SHANK2: variants seen among roughly 807,000 people sequenced by gnomAD.
The protein encoded by SHANK2 is SH3 and multiple ankyrin repeat domains 2.
Under a neutral mutation model 133.7 loss-of-function variants are expected in SHANK2, and 43 were observed. The ratio of observed to expected loss-of-function variants is 0.32; its 90% confidence interval spans 0.25 to 0.41. SHANK2 has a LOEUF of 0.41. Ranked by LOEUF, SHANK2 falls within the 10% of genes least tolerant of loss-of-function variation. SHANK2 has a pLI of 1.00. For missense variants in SHANK2, 1,994 were observed against 2,235.8 expected, an observed-to-expected ratio of 0.89 and a Z score of 2.18; for synonymous variants, 1,017 against 952.8, an observed-to-expected ratio of 1.07 and a Z score of -1.24.
At chr11:70,837,195 G>A (rs1948831804) in intron 11 of SHANK2, among the ~76,000 whole-genome samples, 1 of 152,172 alleles carries the variant, frequency 6.6e-6, no homozygotes, top group Non-Finnish European at 1.5e-5. Flanking sequence ...AAGACACCAG[G>A]CAGACTGAGC....
intron 11 of SHANK2, among the ~76,000 whole-genome samples, chr11:70,881,315 G>C (rs1949655849): frequency 6.6e-6 from 1 of 152,220 alleles, no homozygotes; most frequent in East Asian, 1.9e-4. Flanking sequence ...CCAAAGTACA[G>C]GGATTACAGG....
chr11:70,926,586 G>A (rs560994378), intron 10 of SHANK2, among the ~76,000 whole-genome samples: 1 of 152,276 alleles, frequency 6.6e-6, no homozygotes, highest in East Asian at 1.9e-4. Context: ...TACGATAGGG[G>A]CCATTCCATA....
chr11:70,622,790 C>T (rs782534631), intron 17 of SHANK2, among the ~76,000 whole-genome samples: 4 of 152,074 alleles, frequency 2.6e-5, no homozygotes, highest in Non-Finnish European at 4.4e-5. Context: ...CCAATCCAGT[C>T]TCCGAACGGA....
chr11:70,486,413 C>T lies in SHANK2; in HGVS notation c.3880G>A (p.Asp1294Asn). ...TDLGRDRKGD[D>N]KKNMLIDIMD... The stretch of plus-strand genomic sequence containing the variant: ...ATGTCGATCAGCATGTTCTTCTTGT[C>T]ATCGCCTTTCCGGTCTCGGCCCAGG... Residue 1294 changes from aspartate (D) to asparagine (N), a missense_variant, in exon 25 of 26, where the codon GAC becomes AAC. Coordinates refer to ENST00000601538, the MANE Select transcript of SHANK2 (RefSeq NM_012309.5). This position sits in a 1 kb window ranked among gnomAD's most constrained non-coding sequence, Gnocchi z 8.0. 1 of 1,614,062 alleles carries T rather than the reference C, an allele frequency of 6.2e-7. No individual in the cohort carries two copies. Among genetic ancestry groups the T allele is most frequent in the Non-Finnish European group, 8.5e-7 (1 of 1,180,034 alleles).
chr11:71,071,843 T>G (rs963833402), intron 9 of SHANK2, among the ~76,000 whole-genome samples: 1,669 of 152,214 alleles, frequency 0.011, 23 homozygotes, highest in African/African-American at 0.035. Context: ...ATGGGAGCAC[T>G]GCTTTGGGAT....
intron 16 of SHANK2, among the ~76,000 whole-genome samples, chr11:70,660,838 CG>C (rs1442668989): frequency 6.6e-6 from 1 of 152,206 alleles, no homozygotes; most frequent in Non-Finnish European, 1.5e-5. Flanking sequence ...AGCACAGGTG[CG>C]GGACCCCTGG....
chr11:70,897,250 C>G (rs187666647), intron 10 of SHANK2, among the ~76,000 whole-genome samples: 2 of 152,316 alleles, frequency 1.3e-5, no homozygotes, highest in Non-Finnish European at 2.9e-5. Flanking sequence ...CCAGAGACCA[C>G]ACGGGCAAGG....
intron 15 of SHANK2, among the ~76,000 whole-genome samples, chr11:70,694,465 T>A (rs1421068996): frequency 1.3e-5 from 2 of 152,250 alleles, no homozygotes; most frequent in Admixed American, 6.5e-5. Context: ...TGGCATTTTC[T>A]CTCATTACAC....
chr11:70,817,120 A>G (rs1948415883), intron 12 of SHANK2, among the ~76,000 whole-genome samples: 1 of 152,188 alleles, frequency 6.6e-6, no homozygotes. Flanking sequence ...GGGACCTCAA[A>G]AAGATGCCTG....
chr11:70,740,749 G>A (rs1946506035), intron 14 of SHANK2, among the ~76,000 whole-genome samples: 1 of 152,178 alleles, frequency 6.6e-6, no homozygotes, highest in African/African-American at 2.4e-5. Flanking sequence ...GCGTCAGCTG[G>A]CACAGCCTGG....
In SHANK2 at chr11:70,876,726, G is replaced by C. The variant is rs1417825957; in HGVS notation, c.1174+19775C>G. 2.6e-5 allele frequency among the ~76,000 whole-genome samples: 4 copies of C among 152,286 alleles called. No individual in the cohort carries two copies. The East Asian group carries it at 7.7e-4, about 29-fold the overall frequency. ...GCTGCAGCAGGTGACAACACTTCTA[G>C]GGTCTGTGCAAGTGAAGGCAGGAAA... On this transcript the variant is annotated intron_variant, in intron 11 of 25. Coordinates refer to ENST00000601538, the MANE Select transcript of SHANK2 (RefSeq NM_012309.5).
chr11:71,163,093 A>AAACATATATATATATAT lies in SHANK2; in HGVS notation c.-12-15756_-12-15755insATATATATATATATGTT. Among the ~76,000 whole-genome samples the AAACATATATATATATAT allele has an allele frequency of 1.4e-3, 115 of 84,694 alleles. 5 individuals are homozygous for AAACATATATATATATAT. The highest frequency in any genetic ancestry group is 4.3e-3 in the South Asian group (7 of 1,642). 55.6% of individuals were successfully genotyped at this position (84,694 alleles called of 152,430 possible). On this transcript the variant is annotated intron_variant, in intron 2 of 25. Transcript: ENST00000601538. ...GTCTAAAAAAAAAAAAAAAAAAAAA[A>AAACATATATATATATAT]ATACATATATATATATATACAGAAT...
At chr11:70,759,850 C>T (rs1012258206) in intron 14 of SHANK2, among the ~76,000 whole-genome samples, 2 of 152,212 alleles carry the variant, frequency 1.3e-5, no homozygotes, top group African/African-American at 2.4e-5. Context: ...GCAGCCATAA[C>T]TATAACTGTG....
intron 17 of SHANK2, among the ~76,000 whole-genome samples, chr11:70,659,413 C>G (rs2061452005): frequency 6.6e-6 from 1 of 152,150 alleles, no homozygotes; most frequent in Non-Finnish European, 1.5e-5. Flanking sequence ...GACCTCACGC[C>G]AGCAACTGCC....
In SHANK2 at chr11:70,799,864, C is replaced by T. The variant is rs868970720; in HGVS notation, c.1664-1308G>A. 2.8e-4 allele frequency among the ~76,000 whole-genome samples: 42 copies of T among 152,280 alleles called. No homozygotes were observed. The Middle Eastern group carries it at 0.017, about 62-fold the overall frequency. On this transcript the variant is annotated intron_variant, in intron 13 of 25. Coordinates refer to ENST00000601538, the MANE Select transcript of SHANK2 (RefSeq NM_012309.5). ...AATAAAGCATGTTTGTTTTTAAACT[C>T]AACTGCTGAGCATGGGTGAGGGACA...
intron 2 of SHANK2, among the ~76,000 whole-genome samples, chr11:71,163,784 C>T (rs1386549236): frequency 1.3e-5 from 2 of 152,230 alleles, no homozygotes; most frequent in Non-Finnish European, 2.9e-5. Context: ...GATCAATTCA[C>T]TCCCCATCCT....
intron 17 of SHANK2, among the ~76,000 whole-genome samples, chr11:70,585,967 C>T (rs11607819): frequency 0.83 from 125,525 of 152,026 alleles, 51,917 homozygotes; most frequent in South Asian, 0.9. Context: ...CAACAGCTAT[C>T]TGAACTGTTT....
chr11:70,850,778 C>T (rs781855068), intron 11 of SHANK2, among the ~76,000 whole-genome samples: 96 of 152,166 alleles, frequency 6.3e-4, no homozygotes, highest in Non-Finnish European at 1.1e-3. Context: ...GGAAAGGTGA[C>T]CTCACAAGGC....
intron 17 of SHANK2, among the ~76,000 whole-genome samples, chr11:70,564,057 A>G (rs1373955746): frequency 6.6e-6 from 1 of 152,030 alleles, no homozygotes; most frequent in African/African-American, 2.4e-5. Context: ...TTTTATCCCC[A>G]TGTGGCTGCT....
Sources: allele counts gnomAD v4.1 joint callset (sites outside exome capture counted in the v4.1 genomes callset), GRCh38; gene constraint gnomAD v4.1.1; non-coding constraint Gnocchi (gnomAD v3.1); transcripts MANE v1.5; gene names NCBI Gene and HGNC (gene_info 2026-07-23, HGNC 2026-07-21).